LDB1: variants seen among roughly 807,000 people sequenced by gnomAD.
LDB1 encodes LIM domain-binding protein 1.
Under a neutral mutation model 49.7 loss-of-function variants are expected in LDB1, and 6 were observed. That is an observed-to-expected ratio of 0.12 (90% confidence interval 0.07 to 0.24). The LOEUF (loss-of-function observed/expected upper bound fraction) is 0.24. LDB1 is among the 10% of genes least tolerant of loss of function. The probability of loss-of-function intolerance (pLI) is 1.00; values close to 1 mark genes in which losing one functional copy is unlikely to be tolerated. For missense variants in LDB1, 341 were observed against 561.7 expected, an observed-to-expected ratio of 0.61 and a Z score of 3.97; for synonymous variants, 233 against 202.0, an observed-to-expected ratio of 1.15 and a Z score of -1.30.
chr10:102,105,507 G>A (rs567606302), downstream of LDB1, among the ~76,000 whole-genome samples: 23 of 152,158 alleles, frequency 1.5e-4, no homozygotes, highest in Non-Finnish European at 2.9e-4. Context: ...CCCTGCCTGG[G>A]ATGACAAAGA....
downstream of LDB1, among the ~76,000 whole-genome samples, chr10:102,103,147 G>A (rs540140828): frequency 4.0e-5 from 6 of 151,292 alleles, no homozygotes; most frequent in South Asian, 4.2e-4. Context: ...CTCATGCCTC[G>A]GCCTCCCGAG....
At chr10:102,120,832 G>A (rs551769460), upstream of LDB1, among the ~76,000 whole-genome samples, 1 of 152,102 alleles carries the variant, frequency 6.6e-6, no homozygotes, top group Admixed American at 6.5e-5. Context: ...GCCGGGGTGG[G>A]CAGTGTGGTG....
downstream of LDB1, among the ~76,000 whole-genome samples, chr10:102,103,747 G>A (rs1359134160): frequency 6.6e-6 from 1 of 152,000 alleles, no homozygotes; most frequent in Admixed American, 6.6e-5. Context: ...CCAGGAGGCG[G>A]AGGTTGCAGT....
At chr10:102,120,015 C>T (rs1300473931) in intron 1 of LDB1, 71 bp downstream of exon 1, 18 of 1,267,786 alleles carry the variant, frequency 1.4e-5, no homozygotes, top group Admixed American at 5.9e-5. Flanking sequence ...AAGTTCTCGC[C>T]AAACACGGGG....
chr10:102,113,778 A>C (rs936582365), intron 1 of LDB1, among the ~76,000 whole-genome samples: 1 of 150,258 alleles, frequency 6.7e-6, no homozygotes, highest in East Asian at 2.0e-4. Flanking sequence ...AAAAAAAAAA[A>C]CTCTCAGAGC....
At chr10:102,114,812 G>GGGGGGGCC in intron 1 of LDB1, 3 of 929,808 alleles carry the variant, frequency 3.2e-6, no homozygotes, top group Non-Finnish European at 3.8e-6. Flanking sequence ...CCTCCGAGCA[G>GGGGGGGCC]CCCGCCCGCC....
At chr10:102,120,666 G>A (rs1405599582), upstream of LDB1, among the ~76,000 whole-genome samples, 1 of 152,198 alleles carries the variant, frequency 6.6e-6, no homozygotes, top group Non-Finnish European at 1.5e-5. Context: ...ATGTGACGCA[G>A]CTTTTAAAAA....
At chr10:102,105,492 G>T (rs1465261108), downstream of LDB1, among the ~76,000 whole-genome samples, 95 of 152,048 alleles carry the variant, frequency 6.2e-4, 1 homozygote, top group Non-Finnish European at 7.4e-5. Context: ...TGAGGCCTCA[G>T]CTTCCCCTGC....
intron 1 of LDB1, chr10:102,114,599 G>A (rs2068306068): frequency 5.9e-5 from 58 of 985,276 alleles, no homozygotes; most frequent in Non-Finnish European, 7.0e-5. Flanking sequence ...CCGCCCCGCG[G>A]CGGCCGCTGT....
Position 102,111,154 on chromosome 10 carries a change from G to C in LDB1, c.174-10C>G. The C allele has an allele frequency of 1.2e-6, 2 of 1,613,742 alleles. No homozygotes were observed. Among genetic ancestry groups the C allele is most frequent in the Non-Finnish European group, 1.7e-6 (2 of 1,179,630 alleles). On this transcript the variant is annotated splice_polypyrimidine_tract_variant and intron_variant, in intron 3 of 10. Transcript: ENST00000673968. ...ATATGGTGTGTGCCTCCTGGAGGAA[G>C]TGAAGGAGAGAGGTCAGTAGGAGCG...
At position 102,106,662 on chromosome 10, in the gene LDB1, G is replaced by A. The variant is rs908983830; in HGVS notation, c.*1431C>T. Among the ~76,000 whole-genome samples the A allele has an allele frequency of 2.0e-5, 3 of 150,102 alleles. No individual in the cohort carries two copies. The highest frequency in any genetic ancestry group is 1.3e-4 in the Admixed American group (2 of 14,980). On this transcript the variant is annotated 3_prime_UTR_variant, in exon 11 of 11. Coordinates refer to ENST00000673968, the MANE Select transcript of LDB1 (RefSeq NM_001113407.3). ...CTGACTCAATACCCTTCCAAAAGTG[G>A]CAGCTGGAGTGGAGGAAATACGGTG...
At position 102,106,925 on chromosome 10, in the gene LDB1, T is replaced by TG. The variant is rs1452563068; in HGVS notation, c.*1167dup. ...AGACCCTCTACCTCTACCTCACCTA[T>TG]GGGGACAGAGGCCTGTTCCTCCCTG... On this transcript the variant is annotated 3_prime_UTR_variant, in exon 11 of 11. Coordinates refer to ENST00000673968, the MANE Select transcript of LDB1 (RefSeq NM_001113407.3). Among the ~76,000 whole-genome samples, 1 of 152,104 alleles carries TG rather than the reference T, an allele frequency of 6.6e-6. No homozygotes were observed.
rs2068223281 is a variant in LDB1 at position 102,109,800 on chromosome 10, C to T, written c.649-117G>A. On this transcript the variant is annotated intron_variant, in intron 7 of 10. Coordinates refer to ENST00000673968, the MANE Select transcript of LDB1 (RefSeq NM_001113407.3). The surrounding 1 kb of genome is among the most constrained non-coding windows in gnomAD (Gnocchi z 5.8). ...AGAGGATAGTCTCTTATTAAACCTG[C>T]TGTTCAGATGAAGAAACCCTAACCC... The T allele has an allele frequency of 2.6e-6, 4 of 1,548,976 alleles. No individual in the cohort carries two copies. The highest frequency in any genetic ancestry group is 3.4e-5 in the Admixed American group (2 of 58,216).
At chr10:102,103,745 C>A (rs186563212), downstream of LDB1, among the ~76,000 whole-genome samples, 3 of 151,970 alleles carry the variant, frequency 2.0e-5, no homozygotes, top group Non-Finnish European at 4.4e-5. Flanking sequence ...ACCCAGGAGG[C>A]GGAGGTTGCA....
At chr10:102,120,952 G>A (rs2068412719), upstream of LDB1, among the ~76,000 whole-genome samples, 1 of 152,172 alleles carries the variant, frequency 6.6e-6, no homozygotes, top group Non-Finnish European at 1.5e-5. Context: ...CTTGTTTCGC[G>A]TCCCTACCCT....
downstream of LDB1, among the ~76,000 whole-genome samples, chr10:102,105,033 A>AT (rs1373021430): frequency 1.3e-5 from 2 of 152,212 alleles, no homozygotes; most frequent in African/African-American, 4.8e-5. Flanking sequence ...ACATGCCCAC[A>AT]TACAAACACA....
chr10:102,102,269 A>G (rs2068127840), downstream of LDB1, among the ~76,000 whole-genome samples: 1 of 152,204 alleles, frequency 6.6e-6, no homozygotes, highest in South Asian at 2.1e-4. Flanking sequence ...GCATGGAACA[A>G]TGATGAGAGT....
downstream of LDB1, among the ~76,000 whole-genome samples, chr10:102,104,533 G>A (rs2068139869): frequency 6.6e-6 from 1 of 152,150 alleles, no homozygotes; most frequent in South Asian, 2.1e-4. Flanking sequence ...CCTCACCCCA[G>A]TAATTCCTCT....
At chr10:102,115,829 G>T (rs76495526) in intron 1 of LDB1, among the ~76,000 whole-genome samples, 3 of 152,022 alleles carry the variant, frequency 2.0e-5, no homozygotes, top group Non-Finnish European at 4.4e-5. Flanking sequence ...AGGTAATTTT[G>T]TTGTAGCAGG....
Sources: gnomAD v4.1 joint callset for allele counts (sites outside exome capture counted in the v4.1 genomes callset) on GRCh38, gnomAD v4.1.1 for gene constraint, Gnocchi (gnomAD v3.1) non-coding constraint, MANE v1.5 for transcripts, NCBI Gene and HGNC (gene_info 2026-07-23, HGNC 2026-07-21) for gene names.